RAD51B: variants seen among roughly 807,000 people sequenced by gnomAD.
RAD51B encodes the protein DNA repair protein RAD51 homolog 2.
RAD51B carries 38 observed loss-of-function variants against 42.2 expected under a neutral mutation model. The ratio of observed to expected loss-of-function variants is 0.90; its 90% CI spans 0.70 to 1.18. The LOEUF (loss-of-function observed/expected upper bound fraction) is 1.18, where lower values mean the gene tolerates loss of function less well. Ranked by LOEUF, RAD51B falls within the 50% of genes most tolerant of loss-of-function variation. The probability of loss-of-function intolerance (pLI) is 0.00; values close to 1 mark genes in which losing one functional copy is unlikely to be tolerated. For synonymous variants in RAD51B, 154 were observed against 145.2 expected, an observed-to-expected ratio of 1.06 and a Z score of -0.43; for missense variants, 373 against 400.7, an observed-to-expected ratio of 0.93 and a Z score of 0.59.
At chr14:68,675,014 A>G (rs987483220) in intron 11 of RAD51B, among the ~76,000 whole-genome samples, 4 of 152,228 alleles carry the variant, frequency 2.6e-5, no homozygotes, top group Admixed American at 2.6e-4. Context: ...TGGTCTGATA[A>G]TGGGACTTTA....
chr14:67,908,053 T>A (rs1192572742), intron 7 of RAD51B, among the ~76,000 whole-genome samples: 1 of 152,172 alleles, frequency 6.6e-6, no homozygotes, highest in Non-Finnish European at 1.5e-5. Flanking sequence ...TGGAAAAAAA[T>A]ACCTATTTGT....
intron 7 of RAD51B, among the ~76,000 whole-genome samples, chr14:68,089,184 C>G (rs1373623275): frequency 2.0e-5 from 3 of 152,072 alleles, no homozygotes; most frequent in East Asian, 1.9e-4. Context: ...GTTCAAGTAT[C>G]TAACTGCTGT....
At chr14:67,866,916 C>T (rs1263070519) in intron 5 of RAD51B, among the ~76,000 whole-genome samples, 2 of 152,148 alleles carry the variant, frequency 1.3e-5, no homozygotes, top group East Asian at 3.8e-4. Flanking sequence ...GTTGGAATTA[C>T]GTTGCATAGT....
intron 10 of RAD51B, among the ~76,000 whole-genome samples, chr14:68,629,439 A>T (rs1892173848): frequency 6.6e-6 from 1 of 152,246 alleles, no homozygotes; most frequent in Non-Finnish European, 1.5e-5. Context: ...GGAAACCCAA[A>T]GCTAGACACA....
intron 7 of RAD51B, among the ~76,000 whole-genome samples, chr14:68,058,575 C>T (rs1210448483): frequency 1.3e-5 from 2 of 152,126 alleles, no homozygotes; most frequent in Non-Finnish European, 2.9e-5. Flanking sequence ...TTGCACCTCA[C>T]TTTTTTTACT....
chr14:68,157,634 A>G (rs1038116675), intron 7 of RAD51B, among the ~76,000 whole-genome samples: 1 of 152,206 alleles, frequency 6.6e-6, no homozygotes, highest in African/African-American at 2.4e-5. Context: ...TGTCCTTTCT[A>G]TTATATTGTA....
intron 7 of RAD51B, among the ~76,000 whole-genome samples, chr14:68,128,740 C>T (rs1296824666): frequency 6.6e-6 from 1 of 152,120 alleles, no homozygotes; most frequent in Non-Finnish European, 1.5e-5. Context: ...TGTATCTCTG[C>T]TCTCAAATGA....
chr14:68,006,492 C>T (rs1008020753), intron 7 of RAD51B, among the ~76,000 whole-genome samples: 3 of 151,940 alleles, frequency 2.0e-5, no homozygotes, highest in Non-Finnish European at 4.4e-5. Context: ...TAGTTGCTAT[C>T]GCTTTAAATA....
chr14:68,650,862 A>G (rs1315989076), intron 11 of RAD51B: 3 of 753,030 alleles, frequency 4.0e-6, no homozygotes, highest in African/African-American at 1.7e-5. Flanking sequence ...TACAGGTATG[A>G]ACAAAATAGC....
intron 7 of RAD51B, among the ~76,000 whole-genome samples, chr14:67,969,562 G>A (rs993733822): frequency 6.6e-6 from 1 of 152,250 alleles, no homozygotes; most frequent in African/African-American, 2.4e-5. Context: ...AAATATATAA[G>A]ATGAGGGCAT....
intron 10 of RAD51B, among the ~76,000 whole-genome samples, chr14:68,511,003 C>G (rs528135060): frequency 6.6e-6 from 1 of 152,264 alleles, no homozygotes; most frequent in South Asian, 2.1e-4. Flanking sequence ...CATCCAAGGA[C>G]ACTGAGGCCC....
At chr14:68,392,159 A>C (rs901306536) in intron 8 of RAD51B, among the ~76,000 whole-genome samples, 1 of 152,232 alleles carries the variant, frequency 6.6e-6, no homozygotes, top group Non-Finnish European at 1.5e-5. Context: ...AAGGTACATC[A>C]ATGTTATTTC....
At chr14:68,422,803 T>C (rs965004925) in intron 9 of RAD51B, among the ~76,000 whole-genome samples, 1 of 152,196 alleles carries the variant, frequency 6.6e-6, no homozygotes. Context: ...TAATTTGGAA[T>C]TTTCAGTTAC....
chr14:67,924,041 A>T (rs1217670864), intron 7 of RAD51B, among the ~76,000 whole-genome samples: 1 of 152,006 alleles, frequency 6.6e-6, no homozygotes, highest in East Asian at 1.9e-4. Context: ...AGAATTGCTT[A>T]TTCATGTCTT....
intron 10 of RAD51B, among the ~76,000 whole-genome samples, chr14:68,607,850 C>T (rs1891513300): frequency 6.6e-6 from 1 of 152,132 alleles, no homozygotes; most frequent in Non-Finnish European, 1.5e-5. Flanking sequence ...CTGTCGATTA[C>T]CCGGGAGGAC....
chr14:67,981,043 C>T lies in RAD51B; in HGVS notation c.756+93839C>T, dbSNP rs184704330. Among the ~76,000 whole-genome samples the T allele has an allele frequency of 5.9e-5, 9 of 152,094 alleles. No individual in the cohort carries two copies. In the East Asian group the frequency reaches 1.5e-3, roughly 26 times the overall value. ...AAATTCAATAAAAAATCAAACAACC[C>T]AACAACAACAAAAGGTAGACATCGG... On this transcript the variant is annotated intron_variant, in intron 7 of 10. Transcript: ENST00000471583.
chr14:68,133,633 G>A (rs1353614168), intron 7 of RAD51B, among the ~76,000 whole-genome samples: 1 of 151,950 alleles, frequency 6.6e-6, no homozygotes, highest in African/African-American at 2.4e-5. Context: ...CACCACGCCT[G>A]GCTAATTTTT....
At chr14:67,901,845 T>G (rs2043624824) in intron 7 of RAD51B, among the ~76,000 whole-genome samples, 1 of 150,790 alleles carries the variant, frequency 6.6e-6, no homozygotes, top group Non-Finnish European at 1.5e-5. Context: ...TAAGTGGGAG[T>G]GAAATAATGT....
Position 68,655,850 on chromosome 14 carries a change from G to T in RAD51B, c.*11+4994G>T, listed in dbSNP as rs187927051. ...TCTTTTCTCTCTGTTGCTAGTGGCT[G>T]GCTAAGGAGGAAATCGAGACTATAA... On this transcript the variant is annotated intron_variant, in intron 11 of 11. Coordinates refer to the RAD51B transcript ENST00000488612. Among the ~76,000 whole-genome samples the T allele has an allele frequency of 1.0e-3, 152 of 152,316 alleles. No homozygotes were observed. The East Asian group carries it at 0.027, about 27-fold the overall frequency.
Sources: gnomAD v4.1 joint callset for allele counts (sites outside exome capture counted in the v4.1 genomes callset) on GRCh38, gnomAD v4.1.1 for gene constraint, MANE v1.5 for transcripts, NCBI Gene and HGNC (gene_info 2026-07-23, HGNC 2026-07-21) for gene names.